The following MBNL2 variants were observed in gnomAD, a reference collection of about 807,000 sequenced individuals.
The protein encoded by MBNL2 is muscleblind-like protein 2.
MBNL2 carries 17 observed loss-of-function variants against 41.9 expected under a neutral mutation model. The observed-to-expected ratio is 0.41, with a 90% CI of 0.28 to 0.61. The LOEUF (loss-of-function observed/expected upper bound fraction) is 0.61, where lower values mean the gene tolerates loss of function less well. MBNL2 is among the 20% of genes least tolerant of loss of function. MBNL2 has a pLI of 0.35. For synonymous variants in MBNL2, 195 were observed against 182.9 expected (o/e 1.07, Z -0.53); for missense variants, 336 against 505.6 (o/e 0.66, Z 3.22).
chr13:97,324,342 G>A (rs547849715), intron 2 of MBNL2, among the ~76,000 whole-genome samples: 4 of 152,288 alleles, frequency 2.6e-5, no homozygotes, highest in East Asian at 3.9e-4. Context: ...ACATGCACCC[G>A]TCGTATGAGG....
chr13:97,209,739 T>C, the MBNL2 span, among the ~76,000 whole-genome samples: 1 of 152,350 alleles, frequency 6.6e-6, no homozygotes, highest in South Asian at 2.1e-4. Context: ...GAACTTTTTG[T>C]TTGGCTATTG....
At chr13:97,264,024 T>G (rs1329158535) in intron 1 of MBNL2, among the ~76,000 whole-genome samples, 1 of 151,154 alleles carries the variant, frequency 6.6e-6, no homozygotes, top group Non-Finnish European at 1.5e-5. Context: ...TTTTTTTTTT[T>G]TTTTGAGATG....
chr13:97,205,158 G>C, the MBNL2 span, among the ~76,000 whole-genome samples: 1 of 146,876 alleles, frequency 6.8e-6, no homozygotes, highest in Non-Finnish European at 1.5e-5. Context: ...GAGACAGAGT[G>C]AGACTCTGTC....
At chr13:97,290,448 G>C (rs1049436129) in intron 2 of MBNL2, among the ~76,000 whole-genome samples, 2 of 151,528 alleles carry the variant, frequency 1.3e-5, no homozygotes, top group African/African-American at 4.8e-5. Flanking sequence ...AGGTCGAGGC[G>C]GGTGGATCAT....
Position 97,393,850 on chromosome 13 carries a change from C to A in MBNL2, c.*2401C>A, listed in dbSNP as rs2066454828. On this transcript the variant is annotated 3_prime_UTR_variant, in exon 9 of 9. Coordinates refer to ENST00000679496, the MANE Select transcript of MBNL2 (RefSeq NM_001382683.1). ...CATGAAGATATCAGTTCAACAAATA[C>A]TGTAGTTAAGAGACTAACTCTCCAC... The A allele has an allele frequency of 6.6e-6, 1 of 152,510 alleles. No individual in the cohort carries two copies. Among genetic ancestry groups the A allele is most frequent in the South Asian group, 2.1e-4 (1 of 4,834 alleles). The allele number at this position is 152,510 out of a possible 1,614,324, so 9.4% of individuals were successfully genotyped here.
At chr13:97,230,330 A>G (rs1392777106) in intron 1 of MBNL2, among the ~76,000 whole-genome samples, 3 of 152,250 alleles carry the variant, frequency 2.0e-5, no homozygotes, top group African/African-American at 4.8e-5. Context: ...AAAAGGGACC[A>G]ATAAATGGGA....
the MBNL2 span, among the ~76,000 whole-genome samples, chr13:97,157,808 T>A: frequency 1.3e-5 from 2 of 151,950 alleles, no homozygotes; most frequent in South Asian, 4.2e-4. Context: ...AGTATTTGAT[T>A]GAGGATTTTT....
At chr13:97,205,377 G>A in the MBNL2 span, among the ~76,000 whole-genome samples, 3 of 151,132 alleles carry the variant, frequency 2.0e-5, no homozygotes, top group Non-Finnish European at 4.4e-5. Flanking sequence ...GTGACAGAGC[G>A]AGACTCTGTC....
chr13:97,260,816 C>T (rs2048474430), intron 1 of MBNL2, among the ~76,000 whole-genome samples: 2 of 152,160 alleles, frequency 1.3e-5, no homozygotes, highest in Non-Finnish European at 2.9e-5. Context: ...ATTCCTTCTC[C>T]TCTCCACCTT....
chr13:97,304,782 T>C (rs990609190), intron 2 of MBNL2, among the ~76,000 whole-genome samples: 4 of 152,246 alleles, frequency 2.6e-5, no homozygotes, highest in Non-Finnish European at 5.9e-5. Context: ...TATAAATGCA[T>C]TGTTACAAAT....
In MBNL2 at chr13:97,391,408, C is replaced by G; in HGVS notation, c.1135C>G (p.Pro379Ala). The change falls in exon 9 of 9, where the codon CCT becomes GCT. Residue 379 changes from proline (P) to alanine (A), a missense_variant. By Grantham distance (27) the Pro-to-Ala change is conservative. Transcript: ENST00000679496. ...ITKHCYCTYY[P>A]VSSSIELPQT... is the part of the protein sequence containing the mutation. ...TAAACATTGTTACTGTACATACTATCCTGTTTCCTCCTCAATAGAATTGCC... is the reference window on the plus strand; with the variant it reads ...TAAACATTGTTACTGTACATACTATGCTGTTTCCTCCTCAATAGAATTGCC... The G allele has an allele frequency of 6.5e-7, 1 of 1,544,624 alleles. No individual in the cohort carries two copies. The highest frequency in any genetic ancestry group is 1.1e-5 in the South Asian group (1 of 89,624).
At chr13:97,193,772 G>A in the MBNL2 span, among the ~76,000 whole-genome samples, 146 of 152,188 alleles carry the variant, frequency 9.6e-4, no homozygotes, top group East Asian at 0.018. Context: ...GTCAAGAAGC[G>A]GGTAGCCAGA....
At chr13:97,377,904 G>A (rs1354301748) in intron 8 of MBNL2, among the ~76,000 whole-genome samples, 2 of 152,172 alleles carry the variant, frequency 1.3e-5, no homozygotes, top group Non-Finnish European at 2.9e-5. Context: ...ATGGTTTAAC[G>A]TGAACTAGAA....
At chr13:97,254,794 A>G (rs2047213355) in intron 1 of MBNL2, among the ~76,000 whole-genome samples, 1 of 152,208 alleles carries the variant, frequency 6.6e-6, no homozygotes, top group Non-Finnish European at 1.5e-5. Context: ...GAGTCTTGTC[A>G]AATATGAGCA....
chr13:97,169,340 C>A, the MBNL2 span, among the ~76,000 whole-genome samples: 11 of 152,118 alleles, frequency 7.2e-5, no homozygotes, highest in African/African-American at 2.7e-4. Context: ...GATTGAAAAA[C>A]CAAATAATGC....
At chr13:97,367,113 C>A (rs919870846) in intron 8 of MBNL2, among the ~76,000 whole-genome samples, 1 of 152,162 alleles carries the variant, frequency 6.6e-6, no homozygotes, top group African/African-American at 2.4e-5. Flanking sequence ...CCAAACCATC[C>A]GGAATGAAGA....
chr13:97,227,828 A>C (rs1039857330), intron 1 of MBNL2, among the ~76,000 whole-genome samples: 4 of 152,206 alleles, frequency 2.6e-5, no homozygotes, highest in Admixed American at 1.3e-4. Flanking sequence ...GCAAGAAGAC[A>C]GGTTGATTTG....
At chr13:97,339,810 ACT>A (rs1410924252) in intron 3 of MBNL2, among the ~76,000 whole-genome samples, 2 of 144,400 alleles carry the variant, frequency 1.4e-5, no homozygotes, top group Non-Finnish European at 3.0e-5. Context: ...TTCCTGTGCA[ACT>A]CTCCACCAAA....
At chr13:97,173,387 T>C in the MBNL2 span, among the ~76,000 whole-genome samples, 4,521 of 152,306 alleles carry the variant, frequency 0.03, 103 homozygotes, top group Non-Finnish European at 0.045. Flanking sequence ...AAGGCAGAGA[T>C]TGTGGTTCCC....
Sources: gnomAD v4.1 joint callset for allele counts (sites outside exome capture counted in the v4.1 genomes callset) on GRCh38, gnomAD v4.1.1 for gene constraint, MANE v1.5 for transcripts, NCBI Gene and HGNC (gene_info 2026-07-23, HGNC 2026-07-21) for gene names.